The following DGLUCY variants were observed in gnomAD, a reference collection of about 807,000 sequenced individuals.
The protein encoded by DGLUCY is D-glutamate cyclase, mitochondrial.
DGLUCY carries 58 observed loss-of-function variants against 58.5 expected under a neutral mutation model. The ratio of observed to expected loss-of-function variants is 0.99; its 90% CI spans 0.80 to 1.23. The LOEUF is 1.23. Ranked by LOEUF, DGLUCY falls within the 50% of genes most tolerant of loss-of-function variation. The pLI is 0.00. For missense variants in DGLUCY, 779 were observed against 784.7 expected, an observed-to-expected ratio of 0.99 and a Z score of 0.09; for synonymous variants, 325 against 314.1, an observed-to-expected ratio of 1.03 and a Z score of -0.37.
chr14:91,140,286 C>G (rs989056092), intron 1 of DGLUCY, among the ~76,000 whole-genome samples: 4 of 152,182 alleles, frequency 2.6e-5, no homozygotes, highest in African/African-American at 9.7e-5. Flanking sequence ...AAAAGTTTGC[C>G]AGTTTGATTT....
At chr14:91,102,349 T>C (rs997592749) in intron 1 of DGLUCY, among the ~76,000 whole-genome samples, 5 of 152,142 alleles carry the variant, frequency 3.3e-5, no homozygotes, top group Non-Finnish European at 5.9e-5. Context: ...TAAATCCTTC[T>C]CGAGAAAGTG....
At chr14:91,203,570 GT>G in intron 11 of DGLUCY, among the ~76,000 whole-genome samples, 1 of 152,100 alleles carries the variant, frequency 6.6e-6, no homozygotes, top group Non-Finnish European at 1.5e-5. Context: ...TGAACATCTA[GT>G]TTACAGACTC....
intron 1 of DGLUCY, among the ~76,000 whole-genome samples, chr14:91,100,163 C>T (rs2044463379): frequency 1.3e-5 from 2 of 151,896 alleles, no homozygotes; most frequent in South Asian, 4.1e-4. Context: ...AATATTCATC[C>T]TGACCCAGAT....
In DGLUCY at chr14:91,080,528, G is replaced by A. The variant is rs140259575; in HGVS notation, c.-82+19824G>A. ...TGGGATTACAGGTGCCCGCCACCACGCCCAGCCAATTTTTGTATTTTTAGG... is the reference window on the plus strand; with the variant it reads ...TGGGATTACAGGTGCCCGCCACCACACCCAGCCAATTTTTGTATTTTTAGG... On this transcript the variant is annotated intron_variant, in intron 1 of 4. Coordinates refer to the DGLUCY transcript ENST00000521334. 1.2e-4 allele frequency among the ~76,000 whole-genome samples: 19 copies of A among 152,124 alleles called. No homozygotes were observed. In the East Asian group the frequency reaches 3.5e-3, roughly 28 times the overall value.
intron 8 of DGLUCY, among the ~76,000 whole-genome samples, chr14:91,183,148 T>A (rs2049289290): frequency 1.3e-5 from 2 of 151,848 alleles, no homozygotes; most frequent in African/African-American, 4.8e-5. Flanking sequence ...GGCACCACCA[T>A]ACCTGGCTAA....
intron 4 of DGLUCY, chr14:91,167,801 T>G (rs1425328637): frequency 3.2e-6 from 2 of 629,840 alleles, no homozygotes; most frequent in Admixed American, 5.0e-5. Flanking sequence ...CTACTGATGC[T>G]GGGTCGGTGT....
intron 11 of DGLUCY, 124 bp from the exon 12 acceptor site, chr14:91,204,582 A>C (rs2140628862): frequency 1.5e-6 from 2 of 1,322,604 alleles, no homozygotes; most frequent in Non-Finnish European, 2.0e-6. Flanking sequence ...GTTGTCTGAA[A>C]ATATATCCAG....
At chr14:91,084,413 C>T (rs1162387829) in intron 1 of DGLUCY, among the ~76,000 whole-genome samples, 1 of 152,014 alleles carries the variant, frequency 6.6e-6, no homozygotes, top group Non-Finnish European at 1.5e-5. Flanking sequence ...CCATGTTGGT[C>T]AAGCTGGTCT....
intron 1 of DGLUCY, among the ~76,000 whole-genome samples, chr14:91,086,715 C>T (rs1002860318): frequency 7.9e-5 from 12 of 152,022 alleles, no homozygotes; most frequent in Non-Finnish European, 1.3e-4. Context: ...GCTTTGAGGG[C>T]TAGACACTCA....
chr14:91,148,743 C>G (rs569263548), intron 1 of DGLUCY: 23 of 150,312 alleles, frequency 1.5e-4, no homozygotes, highest in Admixed American at 1.5e-3. Flanking sequence ...CTCAAGAGTT[C>G]AAGACCAGCC....
intron 12 of DGLUCY, among the ~76,000 whole-genome samples, chr14:91,214,548 C>A (rs1446278634): frequency 6.6e-6 from 1 of 152,218 alleles, no homozygotes; most frequent in Non-Finnish European, 1.5e-5. Context: ...TTCAGCTCAG[C>A]CAGAGGGGAG....
chr14:91,165,411 C>T (rs1318414530), intron 3 of DGLUCY: 1 of 385,442 alleles, frequency 2.6e-6, no homozygotes, highest in African/African-American at 2.1e-5. Flanking sequence ...CCTGGGTTCA[C>T]ACAGCTGGTC....
At chr14:91,137,004 A>G (rs542952177) in intron 1 of DGLUCY, among the ~76,000 whole-genome samples, 1 of 152,142 alleles carries the variant, frequency 6.6e-6, no homozygotes, top group Admixed American at 6.5e-5. Context: ...AGCCTCAGGG[A>G]AAACTCTATT....
intron 1 of DGLUCY, among the ~76,000 whole-genome samples, chr14:91,141,095 T>C (rs2046642166): frequency 6.6e-6 from 1 of 152,018 alleles, no homozygotes; most frequent in Non-Finnish European, 1.5e-5. Context: ...AGAAAAAGAA[T>C]AGTTATCAGG....
intron 13 of DGLUCY, among the ~76,000 whole-genome samples, chr14:91,219,554 T>C (rs575815752): frequency 2.0e-5 from 3 of 152,348 alleles, no homozygotes; most frequent in African/African-American, 7.2e-5. Context: ...CCCACAGCTC[T>C]GCTCAGTGAG....
At chr14:91,174,601 C>T (rs1466786967) in intron 6 of DGLUCY, among the ~76,000 whole-genome samples, 2 of 152,184 alleles carry the variant, frequency 1.3e-5, no homozygotes, top group Non-Finnish European at 2.9e-5. Context: ...CCACCGCACC[C>T]GGTCTGCAAT....
At position 91,181,269 on chromosome 14, in the gene DGLUCY, A is replaced by G. The variant is rs770976772; in HGVS notation, c.814A>G (p.Thr272Ala). Residue 272 changes from threonine (T) to alanine (A), a missense_variant, in exon 8 of 14, where the codon ACC (threonine) becomes GCC (alanine). Transcript: ENST00000256324. ...TGCAAAGGCTCCACCTGGTTGTCTC[A>G]CCCCAGAGAGAATTCCAGAGGTCCA... ...KDAKAPPGCL[T>A]PERIPEVHHI... 1 of 1,614,132 alleles carries G rather than the reference A, an allele frequency of 6.2e-7. No individual in the cohort carries two copies.
intron 10 of DGLUCY, among the ~76,000 whole-genome samples, chr14:91,197,980 G>C (rs998946733): frequency 3.3e-5 from 5 of 152,196 alleles, no homozygotes; most frequent in African/African-American, 1.2e-4. Context: ...ATTTTATATA[G>C]CAGAGTTGAG....
At chr14:91,075,044 C>T (rs908148558) in intron 1 of DGLUCY, among the ~76,000 whole-genome samples, 3 of 145,452 alleles carry the variant, frequency 2.1e-5, no homozygotes, top group Non-Finnish European at 3.0e-5. Context: ...TGCACTCCAG[C>T]GTGGGCAACA....
Sources: gnomAD v4.1 joint callset for allele counts (sites outside exome capture counted in the v4.1 genomes callset) on GRCh38, gnomAD v4.1.1 for gene constraint, MANE v1.5 for transcripts, NCBI Gene and HGNC (gene_info 2026-07-23, HGNC 2026-07-21) for gene names.